Variants in KDM6A observed in about 807,000 individuals in gnomAD.
The protein encoded by KDM6A is lysine demethylase 6A.
A neutral mutation model predicts 117.6 loss-of-function variants in KDM6A; 11 were observed. The observed-to-expected ratio is 0.09, with a 90% CI of 0.06 to 0.15. The LOEUF is 0.15. KDM6A is among the 10% of genes least tolerant of loss of function. KDM6A has a pLI of 1.00. For synonymous variants in KDM6A, 384 were observed against 396.1 expected, an observed-to-expected ratio of 0.97 and a Z score of 0.36; for missense variants, 799 against 1,077.3, an observed-to-expected ratio of 0.74 and a Z score of 3.62.
chrX:45,096,609 TA>T (rs1182297004), intron 27 of KDM6A, among the ~76,000 whole-genome samples: 1 of 112,077 alleles, frequency 8.9e-6, no homozygotes, highest in African/African-American at 3.2e-5. Flanking sequence ...CCCTTTAGAC[TA>T]AATGTGTTTT....
intron 2 of KDM6A, among the ~76,000 whole-genome samples, chrX:44,897,221 A>G (rs1038269799): frequency 4.5e-5 from 4 of 89,124 alleles, no homozygotes; most frequent in East Asian, 3.5e-4. Context: ...TCTGTCGTCT[A>G]TCATTTCCAC....
chrX:44,976,075 C>CAT (rs1262496581), intron 4 of KDM6A, among the ~76,000 whole-genome samples: 1 of 111,819 alleles, frequency 8.9e-6, no homozygotes, highest in Non-Finnish European at 1.9e-5. Context: ...AATGTGGCTG[C>CAT]ATGCCTAATT....
At chrX:44,897,312 C>G (rs1234399919) in intron 2 of KDM6A, among the ~76,000 whole-genome samples, 1 of 73,874 alleles carries the variant, frequency 1.4e-5, no homozygotes, top group Non-Finnish European at 2.7e-5. Flanking sequence ...TTTGGTTCTT[C>G]TAAAATAACA....
intron 17 of KDM6A, among the ~76,000 whole-genome samples, chrX:45,066,664 A>T (rs964384933): frequency 8.9e-6 from 1 of 112,262 alleles, no homozygotes. Context: ...ATGATTGTAA[A>T]GCATAGTTCT....
intron 2 of KDM6A, among the ~76,000 whole-genome samples, chrX:44,916,605 C>T (rs2035573674): frequency 9.1e-6 from 1 of 110,334 alleles, no homozygotes; most frequent in Admixed American, 9.7e-5. Flanking sequence ...AGTAGTATAC[C>T]ATATTTTCTC....
At chrX:45,059,899 C>A in intron 12 of KDM6A, 123 bp from the exon 13 acceptor site, 3 of 1,030,502 alleles carry the variant, frequency 2.9e-6, no homozygotes, top group African/African-American at 1.9e-5. Context: ...TCTTCTAAAG[C>A]CCCAAATTTA....
chrX:44,881,690 CTT>C (rs763093798), intron 2 of KDM6A, among the ~76,000 whole-genome samples: 3 of 95,575 alleles, frequency 3.1e-5, no homozygotes, highest in Non-Finnish European at 2.1e-5. Flanking sequence ...ACTATTTTGT[CTT>C]TTTTTTTTTT....
chrX:45,088,070 T>C (rs1013572517), intron 25 of KDM6A, among the ~76,000 whole-genome samples: 1 of 111,467 alleles, frequency 9.0e-6, no homozygotes, highest in African/African-American at 3.3e-5. Context: ...GGGGTGTCTG[T>C]TTGGGATTAC....
chrX:44,968,328 A>G (rs957697103), intron 3 of KDM6A, among the ~76,000 whole-genome samples: 18 of 112,835 alleles, frequency 1.6e-4, no homozygotes, highest in African/African-American at 5.2e-4. Flanking sequence ...GATTCCCAGC[A>G]GTTCTTTCTT....
At chrX:44,996,105 C>T (rs1378698180) in intron 4 of KDM6A, among the ~76,000 whole-genome samples, 1 of 110,133 alleles carries the variant, frequency 9.1e-6, no homozygotes, top group Non-Finnish European at 1.9e-5. Flanking sequence ...GAGATAGGGT[C>T]TTCCTCTGTA....
At chrX:45,085,458 A>T (rs767466714) in intron 24 of KDM6A, among the ~76,000 whole-genome samples, 61 of 111,734 alleles carry the variant, frequency 5.5e-4, no homozygotes, top group African/African-American at 1.8e-3. Context: ...TGTTATATGC[A>T]TTCATTAGTT....
chrX:44,885,572 TA>T (rs1188444111), intron 2 of KDM6A, among the ~76,000 whole-genome samples: 46 of 104,078 alleles, frequency 4.4e-4, no homozygotes, highest in Non-Finnish European at 3.8e-4. Context: ...AGCCAAATAT[TA>T]AAAAAAAAAA....
At chrX:44,973,742 T>C (rs1261850326) in intron 3 of KDM6A, among the ~76,000 whole-genome samples, 1 of 111,251 alleles carries the variant, frequency 9.0e-6, no homozygotes, top group African/African-American at 3.3e-5. Context: ...GCACAGTTTT[T>C]CTAATTTTCT....
intron 27 of KDM6A, among the ~76,000 whole-genome samples, chrX:45,101,087 G>A (rs1375172896): frequency 9.0e-6 from 1 of 111,001 alleles, no homozygotes; most frequent in African/African-American, 3.3e-5. Flanking sequence ...TGTGTTCGAT[G>A]TTTGCCCATC....
chrX:44,893,240 C>A (rs2033535757), intron 2 of KDM6A, among the ~76,000 whole-genome samples: 2 of 110,668 alleles, frequency 1.8e-5, no homozygotes, highest in Admixed American at 1.9e-4. Context: ...ATCAAATCAA[C>A]CTGGGCATAA....
intron 27 of KDM6A, among the ~76,000 whole-genome samples, chrX:45,098,451 G>T (rs1355526218): frequency 8.9e-6 from 1 of 112,663 alleles, no homozygotes; most frequent in Non-Finnish European, 1.9e-5. Context: ...AATCTGTATC[G>T]CTGGACTTTG....
chrX:45,089,683 G>C lies in KDM6A; in HGVS notation c.3705-60G>C, dbSNP rs141013264. ...AAAAAATTTGTGACATTTTCTTCCA[G>C]TCTTACTAGGAGCTTCTTAATGTAG... On this transcript the variant is annotated intron_variant, in intron 25 of 29. Coordinates refer to ENST00000611820, the MANE Select transcript of KDM6A (RefSeq NM_001291415.2). 5 of 844,881 alleles carry C rather than the reference G, an allele frequency of 5.9e-6. No homozygotes were observed. The South Asian group carries it at 1.1e-4, about 18-fold the overall frequency. 69.6% of individuals were successfully genotyped at this position (844,881 alleles called of 1,213,427 possible).
chrX:45,010,637 AG>A (rs1304366119), intron 4 of KDM6A, among the ~76,000 whole-genome samples: 4 of 111,968 alleles, frequency 3.6e-5, no homozygotes, highest in Non-Finnish European at 7.5e-5. Flanking sequence ...AAAGAACCAG[AG>A]GAAGAATGTA....
At chrX:44,979,374 CCTTCTTCTTTCTTTTCTTTCCTTCT>C (rs1018598528) in intron 4 of KDM6A, among the ~76,000 whole-genome samples, 83 of 109,045 alleles carry the variant, frequency 7.6e-4, no homozygotes, top group Non-Finnish European at 1.3e-3. Flanking sequence ...CTCCCTCTTC[CCTTCTTCTTTCTTTTCTTTCCTTCT>C]CTTCTTCCTT....
Sources: gnomAD v4.1 joint callset for allele counts (sites outside exome capture counted in the v4.1 genomes callset) on GRCh38, gnomAD v4.1.1 for gene constraint, MANE v1.5 for transcripts, NCBI Gene and HGNC (gene_info 2026-07-23, HGNC 2026-07-21) for gene names.